DOCK1: variants seen among roughly 807,000 people sequenced by gnomAD.
DOCK1 encodes dedicator of cytokinesis protein 1.
In DOCK1, 138 loss-of-function variants were observed where a neutral mutation model predicts 262.7. The ratio of observed to expected loss-of-function variants is 0.53; its 90% CI spans 0.46 to 0.61. DOCK1 has a LOEUF of 0.61. Ranked by LOEUF, DOCK1 falls within the 20% of genes least tolerant of loss-of-function variation. The pLI, the probability that DOCK1 is intolerant of heterozygous loss-of-function variation, is 0.00. For missense variants in DOCK1, 1,908 were observed against 2,370.7 expected, an observed-to-expected ratio of 0.80 and a Z score of 4.05; for synonymous variants, 866 against 867.4, an observed-to-expected ratio of 1.00 and a Z score of 0.03.
chr10:127,118,629 T>G (rs1307538624), intron 25 of DOCK1, among the ~76,000 whole-genome samples: 2 of 152,234 alleles, frequency 1.3e-5, no homozygotes, highest in Non-Finnish European at 2.9e-5. Flanking sequence ...TCCAACACCC[T>G]TTTACTTGCT....
At chr10:127,093,214 C>CTTTCTTTCT (rs1453771073) in intron 23 of DOCK1, among the ~76,000 whole-genome samples, 1 of 115,860 alleles carries the variant, frequency 8.6e-6, no homozygotes, top group African/African-American at 4.0e-5. Context: ...TTCTTTCTTT[C>CTTTCTTTCT]TTTCTTTTCT....
chr10:126,924,264 CAGT>C (rs2033486445), intron 1 of DOCK1, among the ~76,000 whole-genome samples: 1 of 119,150 alleles, frequency 8.4e-6, no homozygotes, highest in Non-Finnish European at 1.7e-5. Context: ...TGCTGGAACT[CAGT>C]AGGGGGAGGC....
chr10:127,202,717 C>T (rs2057528978), intron 27 of DOCK1, among the ~76,000 whole-genome samples: 1 of 152,178 alleles, frequency 6.6e-6, no homozygotes, highest in African/African-American at 2.4e-5. Flanking sequence ...GTACTCGGTC[C>T]ATTGTGGATT....
chr10:127,002,332 C>T (rs1293314792), intron 10 of DOCK1, among the ~76,000 whole-genome samples: 6 of 152,152 alleles, frequency 3.9e-5, no homozygotes, highest in Admixed American at 6.5e-5. Flanking sequence ...CCTACGAATG[C>T]GTAGTTATAT....
chr10:127,077,747 T>C (rs2046655671), intron 23 of DOCK1, among the ~76,000 whole-genome samples: 1 of 152,126 alleles, frequency 6.6e-6, no homozygotes, highest in East Asian at 1.9e-4. Context: ...ACTGCATCAT[T>C]GGGTGTCCAG....
chr10:127,082,807 C>T (rs768197576), intron 23 of DOCK1, among the ~76,000 whole-genome samples: 8 of 152,112 alleles, frequency 5.3e-5, no homozygotes, highest in African/African-American at 1.9e-4. Context: ...CTGGGGAGCC[C>T]GATTCCCTCC....
chr10:126,971,948 C>G (rs1435901858), intron 2 of DOCK1, among the ~76,000 whole-genome samples: 1 of 151,298 alleles, frequency 6.6e-6, no homozygotes, highest in Non-Finnish European at 1.5e-5. Flanking sequence ...CGGAGTTTTG[C>G]TCTTGTTGCC....
chr10:127,435,693 T>G (rs2069640152), intron 48 of DOCK1, among the ~76,000 whole-genome samples: 1 of 152,188 alleles, frequency 6.6e-6, no homozygotes, highest in South Asian at 2.1e-4. Context: ...ATTGCACATG[T>G]GAGCTCAGGC....
rs771685737 is a variant in DOCK1, at chr10:127,415,255, C to A, written c.4515+17C>A. Reference sequence around the variant, plus strand: ...GTTTTCATGGTAAGGATGGCCCCACCCCAGAAGGAATTGTCCGTTCCCTTC... The same window carrying A: ...GTTTTCATGGTAAGGATGGCCCCACACCAGAAGGAATTGTCCGTTCCCTTC... On this transcript the variant is annotated intron_variant, in intron 44 of 51. Transcript: ENST00000623213. The A allele has an allele frequency of 1.6e-5, 25 of 1,609,110 alleles. No homozygotes were observed. The highest frequency in any genetic ancestry group is 1.4e-5 in the Non-Finnish European group (16 of 1,177,242).
intron 27 of DOCK1, among the ~76,000 whole-genome samples, chr10:127,141,662 CTT>C (rs1163268086): frequency 4.6e-5 from 7 of 151,416 alleles, no homozygotes; most frequent in African/African-American, 1.7e-4. Flanking sequence ...CAGAGTGAGA[CTT>C]TGTCTTTAAA....
intron 18 of DOCK1, among the ~76,000 whole-genome samples, chr10:127,036,051 A>G (rs2043592938): frequency 7.2e-6 from 1 of 139,442 alleles, no homozygotes; most frequent in South Asian, 2.2e-4. Flanking sequence ...AATAAAAAAG[A>G]GTAGAGTGCT....
chr10:127,297,905 G>A (rs1488827496), intron 29 of DOCK1, among the ~76,000 whole-genome samples: 1 of 152,052 alleles, frequency 6.6e-6, no homozygotes, highest in African/African-American at 2.4e-5. Flanking sequence ...CTATTGGGAT[G>A]CCTTCTTCTC....
intron 29 of DOCK1, among the ~76,000 whole-genome samples, chr10:127,259,696 G>C (rs201836939): frequency 1.3e-5 from 2 of 152,216 alleles, no homozygotes; most frequent in Non-Finnish European, 2.9e-5. Context: ...ACAAAGGTCA[G>C]GCGGGATGGG....
intron 23 of DOCK1, among the ~76,000 whole-genome samples, chr10:127,079,894 G>A (rs965356554): frequency 1.3e-5 from 2 of 152,164 alleles, no homozygotes; most frequent in African/African-American, 4.8e-5. Flanking sequence ...TTGCGCCACT[G>A]CACTCCAGCC....
intron 49 of DOCK1, among the ~76,000 whole-genome samples, chr10:127,442,103 C>T (rs902314822): frequency 3.3e-5 from 5 of 152,146 alleles, no homozygotes; most frequent in Admixed American, 1.3e-4. Flanking sequence ...AGCTCCTGGG[C>T]GCTTGGCTCC....
intron 23 of DOCK1, among the ~76,000 whole-genome samples, chr10:127,086,146 C>G (rs549098876): frequency 2.7e-5 from 4 of 149,314 alleles, no homozygotes; most frequent in African/African-American, 1.0e-4. Context: ...ACACACCCCC[C>G]GCCCCTTACA....
chr10:127,384,901 A>G lies in DOCK1; in HGVS notation c.3919A>G (p.Lys1307Glu). 1 of 1,600,776 alleles carries G rather than the reference A, an allele frequency of 6.2e-7. No homozygotes were observed. Among genetic ancestry groups the G allele is most frequent in the Non-Finnish European group, 8.5e-7 (1 of 1,175,426 alleles). ...CCAGGAAATCATCCACTACTTCGAC[A>G]AAGGCAAGGTAAAACACAAAAAGCA... ...LYQEIIHYFDKGKMWEEAIAL... is the reference protein window; with the variant it reads ...LYQEIIHYFDEGKMWEEAIAL... The change falls in exon 38 of 52, where the codon AAA becomes GAA. Residue 1307 changes from lysine (K) to glutamate (E), a missense_variant. By Grantham distance (56) the Lys-to-Glu change is moderately conservative (BLOSUM62 1). Coordinates refer to ENST00000623213, the MANE Select transcript of DOCK1 (RefSeq NM_001290223.2).
At chr10:127,057,608 G>A (rs906851782) in intron 22 of DOCK1, among the ~76,000 whole-genome samples, 2 of 152,152 alleles carry the variant, frequency 1.3e-5, no homozygotes, top group African/African-American at 4.8e-5. Flanking sequence ...CCTGACAGCC[G>A]GGGGCACTTC....
At chr10:127,302,624 A>G (rs2061720139) in intron 29 of DOCK1, among the ~76,000 whole-genome samples, 1 of 152,018 alleles carries the variant, frequency 6.6e-6, no homozygotes, top group African/African-American at 2.4e-5. Flanking sequence ...AATTCAAACA[A>G]TTTTGTTTCC....
Sources: allele counts gnomAD v4.1 joint callset (sites outside exome capture counted in the v4.1 genomes callset), GRCh38; gene constraint gnomAD v4.1.1; transcripts MANE v1.5; gene names NCBI Gene and HGNC (gene_info 2026-07-23, HGNC 2026-07-21).